RAB10: variants seen among roughly 807,000 people sequenced by gnomAD.
RAB10 encodes the protein ras-related protein Rab-10.
RAB10 carries 5 observed loss-of-function variants against 25.7 expected under a neutral mutation model. The ratio of observed to expected loss-of-function variants is 0.19; its 90% CI spans 0.10 to 0.41. The LOEUF is 0.41. Ranked by LOEUF, RAB10 falls within the 10% of genes least tolerant of loss-of-function variation. RAB10 has a pLI of 1.00. For synonymous variants in RAB10, 89 were observed against 86.4 expected (o/e 1.03, Z -0.16); for missense variants, 103 against 245.8 (o/e 0.42, Z 3.89).
rs1171394283 is a variant in RAB10, at chr2:26,116,564, T to C, written c.327+6658T>C. The stretch of plus-strand genomic sequence containing the variant: ...CTGTCTTGTGTTTTTTTTTTTTTTT[T>C]TTTTTTTTTTGAGACGCAGTCTTGC... On this transcript the variant is annotated intron_variant, in intron 3 of 5. Transcript: ENST00000264710. Among the ~76,000 whole-genome samples, 3 of 137,364 alleles carry C rather than the reference T, an allele frequency of 2.2e-5. No homozygotes were observed. The East Asian group carries it at 6.5e-4, about 30-fold the overall frequency. 90.1% of individuals were successfully genotyped at this position (137,364 alleles called of 152,430 possible). A position where few individuals can be genotyped will look rare whatever the true frequency, so the allele number is the denominator to read the frequency against.
Position 26,124,389 on chromosome 2 carries a change from C to CTTTTTTTTTTTTTTTTTT in RAB10, c.328-2744_328-2727dup, listed in dbSNP as rs10669615. ...GTTGTTTTTCTTATTGTTGTTGTTG[C>CTTTTTTTTTTTTTTTTTT]TTTTTTTTTTTTTTTTTTTTTTTTT... On this transcript the variant is annotated intron_variant, in intron 3 of 5. Transcript: ENST00000264710. Among the ~76,000 whole-genome samples the CTTTTTTTTTTTTTTTTTT allele has an allele frequency of 5.1e-4, 10 of 19,678 alleles. 4 individuals carry two copies. The highest frequency in any genetic ancestry group is 6.0e-4 in the African/African-American group (3 of 5,018). The allele number at this position is 19,678 out of a possible 152,430, so 12.9% of individuals were successfully genotyped here. A position where few individuals can be genotyped will look rare whatever the true frequency, so the allele number is the denominator to read the frequency against.
rs184235350 is a variant in RAB10, at chr2:26,133,710, G to T, written c.520-1228G>T. Reference sequence around the variant, plus strand: ...ATTTTTTGAGATGGAGTCTCACTCCGTCGCCCAGGCTGGAGTGCTGTGGCG... The same window carrying T: ...ATTTTTTGAGATGGAGTCTCACTCCTTCGCCCAGGCTGGAGTGCTGTGGCG... On this transcript the variant is annotated intron_variant, in intron 5 of 5. Transcript: ENST00000264710. Among the ~76,000 whole-genome samples, 185 of 151,120 alleles carry T rather than the reference G, an allele frequency of 1.2e-3. 1 individual carries two copies. The highest frequency in any genetic ancestry group is 0.01 in the Middle Eastern group (3 of 292).
chr2:26,034,144 G>T lies in RAB10; in HGVS notation c.-465G>T, dbSNP rs1048126127. On this transcript the variant is annotated 5_prime_UTR_variant, in exon 1 of 6. Coordinates refer to ENST00000264710, the MANE Select transcript of RAB10 (RefSeq NM_016131.5). ...CGGGGAAAAGGTGGCTCTGGCCGGG[G>T]TGGCTCGGTTTCCTGGGGCTATGTA... 4.2e-5 allele frequency: 17 copies of T among 406,976 alleles called. No homozygotes were observed. The highest frequency in any genetic ancestry group is 6.5e-5 in the Non-Finnish European group (15 of 230,214). The allele number at this position is 406,976 out of a possible 1,614,324, so 25.2% of individuals were successfully genotyped here.
chr2:26,060,321 C>CT (rs1336476458), intron 1 of RAB10, among the ~76,000 whole-genome samples: 8 of 152,044 alleles, frequency 5.3e-5, no homozygotes, highest in Non-Finnish European at 7.4e-5. Flanking sequence ...CAGACGGAGT[C>CT]TCGCTCTGTT....
chr2:26,127,386 A>C, intron 4 of RAB10, 153 bp downstream of exon 4: 1 of 631,044 alleles, frequency 1.6e-6, no homozygotes, highest in South Asian at 2.4e-5. Context: ...ATTTGAGTGA[A>C]TTTTTTTTCA....
chr2:26,041,230 T>C (rs1159589672), intron 1 of RAB10, among the ~76,000 whole-genome samples: 1 of 152,074 alleles, frequency 6.6e-6, no homozygotes, highest in East Asian at 1.9e-4. Context: ...ATGAAGTAGA[T>C]TGGGATCAGA....
chr2:26,108,568 T>C (rs1667511250), intron 2 of RAB10, among the ~76,000 whole-genome samples: 1 of 151,692 alleles, frequency 6.6e-6, no homozygotes, highest in African/African-American at 2.4e-5. Flanking sequence ...GTACATGTAA[T>C]AAATTGTAGA....
At chr2:26,105,392 T>G (rs1667447026) in intron 2 of RAB10, among the ~76,000 whole-genome samples, 2 of 152,114 alleles carry the variant, frequency 1.3e-5, no homozygotes, top group Non-Finnish European at 2.9e-5. Flanking sequence ...GGCTCACACC[T>G]GTAATCTCAG....
chr2:26,122,399 C>G (rs1317092901), intron 3 of RAB10, among the ~76,000 whole-genome samples: 1 of 152,104 alleles, frequency 6.6e-6, no homozygotes, highest in Non-Finnish European at 1.5e-5. Flanking sequence ...GAGGCCAAGG[C>G]GGGCAGATCA....
intron 1 of RAB10, among the ~76,000 whole-genome samples, chr2:26,078,015 G>A (rs1666776830): frequency 6.6e-6 from 1 of 151,994 alleles, no homozygotes; most frequent in African/African-American, 2.4e-5. Flanking sequence ...GTCTGTAGAT[G>A]AGATATACAA....
At chr2:26,123,890 G>A (rs1190263587) in intron 3 of RAB10, among the ~76,000 whole-genome samples, 1 of 152,106 alleles carries the variant, frequency 6.6e-6, no homozygotes, top group Admixed American at 6.6e-5. Context: ...GTTAAACTGA[G>A]TGTGCCTGCC....
intron 3 of RAB10, among the ~76,000 whole-genome samples, chr2:26,115,994 G>A (rs1667681130): frequency 6.6e-6 from 1 of 151,774 alleles, no homozygotes; most frequent in African/African-American, 2.4e-5. Flanking sequence ...TGAGTAGCTG[G>A]GACTACAGGT....
chr2:26,075,909 A>G (rs1666722523), intron 1 of RAB10, among the ~76,000 whole-genome samples: 1 of 152,100 alleles, frequency 6.6e-6, no homozygotes, highest in Non-Finnish European at 1.5e-5. Context: ...GAGAAAATTG[A>G]GAATAGAGTT....
intron 3 of RAB10, among the ~76,000 whole-genome samples, chr2:26,113,224 A>G (rs1166187103): frequency 6.6e-6 from 1 of 152,154 alleles, no homozygotes; most frequent in Non-Finnish European, 1.5e-5. Context: ...AAAACCATAC[A>G]GTTATCTCAG....
chr2:26,107,432 GC>G (rs1402788168), intron 2 of RAB10, among the ~76,000 whole-genome samples: 3 of 152,146 alleles, frequency 2.0e-5, no homozygotes, highest in Non-Finnish European at 4.4e-5. Context: ...ATATTTACAA[GC>G]CAGTGTATCT....
At chr2:26,113,206 T>C (rs112413208) in intron 3 of RAB10, among the ~76,000 whole-genome samples, 2 of 152,150 alleles carry the variant, frequency 1.3e-5, no homozygotes, top group East Asian at 1.9e-4. Context: ...ACCATATTAA[T>C]AGACGACAAA....
chr2:26,125,984 A>C (rs1306758978), intron 3 of RAB10, among the ~76,000 whole-genome samples: 1 of 152,074 alleles, frequency 6.6e-6, no homozygotes, highest in Non-Finnish European at 1.5e-5. Flanking sequence ...GTTTTCTTCT[A>C]AGAGTTTTAT....
intron 1 of RAB10, among the ~76,000 whole-genome samples, chr2:26,079,885 C>T (rs1308509034): frequency 6.6e-6 from 1 of 152,178 alleles, no homozygotes; most frequent in African/African-American, 2.4e-5. Flanking sequence ...AGGCTGAACT[C>T]CTGGGCTCAA....
chr2:26,136,976 T>G lies in RAB10; in HGVS notation c.*1955T>G, dbSNP rs1668125053. The G allele has an allele frequency of 1.3e-5, 2 of 152,676 alleles. No homozygotes were observed. The allele number at this position is 152,676 out of a possible 1,614,324, so 9.5% of individuals were successfully genotyped here. A position where few individuals can be genotyped will look rare whatever the true frequency, so the allele number is the denominator to read the frequency against. On this transcript the variant is annotated 3_prime_UTR_variant, in exon 6 of 6. Coordinates refer to ENST00000264710, the MANE Select transcript of RAB10 (RefSeq NM_016131.5). ...TTAGGTTAAACCTACTGTTGTTAGA[T>G]TAATGTATTTGTTGCTTCCCTTTAT...
Sources: allele counts gnomAD v4.1 joint callset (sites outside exome capture counted in the v4.1 genomes callset), GRCh38; gene constraint gnomAD v4.1.1; transcripts MANE v1.5; gene names NCBI Gene and HGNC (gene_info 2026-07-23, HGNC 2026-07-21).